The following SCAF1 variants were observed in gnomAD, a reference collection of about 807,000 sequenced individuals.
The protein encoded by SCAF1 is splicing factor, arginine/serine-rich 19.
Under a neutral mutation model 91.2 loss-of-function variants are expected in SCAF1, and 28 were observed. The observed-to-expected ratio is 0.31, with a 90% confidence interval of 0.23 to 0.42. SCAF1 has a LOEUF of 0.42. Among genes scored for constraint, SCAF1 ranks in the 10% least tolerant of loss-of-function variants. The pLI is 1.00. For synonymous variants in SCAF1, 1,036 were observed against 833.7 expected (o/e 1.24, Z -4.18); for missense variants, 1,893 against 1,872.1 (o/e 1.01, Z -0.21).
chr19:49,653,790 GC>G, intron 7 of SCAF1, 85 bp downstream of exon 7: 6 of 1,310,782 alleles, frequency 4.6e-6, no homozygotes, highest in Admixed American at 3.0e-5. Flanking sequence ...GCAGTGGGGT[GC>G]CCTGGCAGGG....
rs1232055151 is a variant in SCAF1 at position 49,658,377 on chromosome 19, GCCTGCC to G, written c.3926_3931del (p.Leu1309_Pro1310del). 2 of 1,549,702 alleles carry G rather than the reference GCCTGCC, an allele frequency of 1.3e-6. No homozygotes were observed. ...GGGCCCCCAGACAAGGGTGGCCCGG[GCCTGCC>G]CCTGCCCCCTCTCTGAGAGCCCTGG... On this transcript the variant is annotated inframe_deletion, in exon 11 of 11. Transcript: ENST00000360565.
chr19:49,654,492 G>T, intron 8 of SCAF1, 61 bp downstream of exon 8: 1 of 1,526,846 alleles, frequency 6.5e-7, no homozygotes, highest in South Asian at 1.1e-5. Context: ...CTCGGGTTAG[G>T]AGAGGAACCG....
At chr19:49,648,561 C>CCA (rs2081068301) in intron 6 of SCAF1, among the ~76,000 whole-genome samples, 1 of 56,480 alleles carries the variant, frequency 1.8e-5, no homozygotes, top group East Asian at 3.5e-4. Context: ...GCCTGCCACA[C>CCA]CCCCCCCCCT....
In SCAF1 at chr19:49,653,666, C is replaced by A; in HGVS notation, c.3277C>A (p.Pro1093Thr). ...TLPPPMPWNL[P>T]AGVDCTTSGV... ...GCCCCCGCCCATGCCCTGGAATCTG[C>A]CAGCTGGTGTGGACTGCACCACCAG... The change falls in exon 7 of 11, where the codon CCA (proline) becomes ACA (threonine). Residue 1093 changes from proline to threonine, a missense_variant. Pro to Thr is a conservative substitution (Grantham distance 38). Coordinates refer to ENST00000360565, the MANE Select transcript of SCAF1 (RefSeq NM_021228.3). 5.0e-6 allele frequency: 8 copies of A among 1,587,956 alleles called. No individual in the cohort carries two copies. Among genetic ancestry groups the A allele is most frequent in the Non-Finnish European group, 6.8e-6 (8 of 1,172,296 alleles).
chr19:49,658,063 C>A, intron 10 of SCAF1, 145 bp from the exon 11 acceptor site: 1 of 1,193,352 alleles, frequency 8.4e-7, no homozygotes. Context: ...GGCCCTGGGG[C>A]ACCCATCGTC....
In SCAF1 at chr19:49,646,582, C is replaced by T; in HGVS notation, c.318C>T (p.Pro106=). 6.2e-7 allele frequency: 1 copy of T among 1,614,100 alleles called. No individual in the cohort carries two copies. The highest frequency in any genetic ancestry group is 8.5e-7 in the Non-Finnish European group (1 of 1,180,018). The stretch of plus-strand genomic sequence containing the variant: ...CAGGGCTGGTGAGTGTCCTGGATCC[C>T]CCGGATACCTGGGTTCCCAGCCGCC... The part of the protein sequence containing the change: ...FLAGLVSVLD[P]PDTWVPSRLD... Residue 106 remains proline (P), a synonymous_variant, in exon 5 of 11, where the codon CCC becomes CCT. Coordinates refer to ENST00000360565, the MANE Select transcript of SCAF1 (RefSeq NM_021228.3). This position sits in a 1 kb window ranked among gnomAD's most constrained non-coding sequence, Gnocchi z 5.6.
chr19:49,656,987 G>A (rs2081143453), intron 9 of SCAF1, among the ~76,000 whole-genome samples: 1 of 152,028 alleles, frequency 6.6e-6, no homozygotes, highest in African/African-American at 2.4e-5. Context: ...AGACCTAGTC[G>A]CCACAAAAAG....
intron 6 of SCAF1, among the ~76,000 whole-genome samples, chr19:49,648,800 G>C (rs1392049429): frequency 6.6e-6 from 1 of 151,792 alleles, no homozygotes; most frequent in Non-Finnish European, 1.5e-5. Flanking sequence ...GTGAAACCCT[G>C]TCTCCATTAA....
rs1738080005 is a variant in SCAF1, at chr19:49,651,577, C to T, written c.1188C>T (p.Ile396=). ...PGDSEIEEGE[I]VQPEEEPRLA... is the part of the protein sequence containing the mutation. ...ACTCGGAGATCGAGGAAGGGGAGAT[C>T]GTCCAGCCGGAGGAGGAGCCCAGGC... The change falls in exon 7 of 11, where the codon ATC becomes ATT. Residue 396 remains isoleucine, a synonymous_variant. Coordinates refer to ENST00000360565, the MANE Select transcript of SCAF1 (RefSeq NM_021228.3). The T allele has an allele frequency of 1.9e-6, 3 of 1,546,902 alleles. No individual in the cohort carries two copies. Among genetic ancestry groups the T allele is most frequent in the Non-Finnish European group, 2.6e-6 (3 of 1,147,270 alleles).
Position 49,652,677 on chromosome 19 carries a change from C to T in SCAF1, c.2288C>T (p.Ser763Phe). 6.4e-7 allele frequency: 1 copy of T among 1,566,674 alleles called. No individual in the cohort carries two copies. Among genetic ancestry groups the T allele is most frequent in the Non-Finnish European group, 8.7e-7 (1 of 1,155,826 alleles). ...RSGAASSSSS[S>F]REKGSRRKAL... ...GGGGCCGCCTCCTCCTCCTCCTCTT[C>T]CCGGGAGAAGGGGTCTCGTCGGAAG... The change falls in exon 7 of 11, where the codon TCC (serine) becomes TTC (phenylalanine). Residue 763 changes from serine to phenylalanine, a missense_variant. Around this residue, in one of 5 missense-constraint regions of SCAF1, gnomAD observed 1,436 missense variants for 1,306.8 expected, o/e 1.10. Transcript: ENST00000360565.
chr19:49,641,338 C>A (rs1174201774), upstream of SCAF1, among the ~76,000 whole-genome samples: 3 of 152,132 alleles, frequency 2.0e-5, no homozygotes, highest in Admixed American at 1.3e-4. Context: ...ATTTTTGAGA[C>A]GGAGTTTCCG....
chr19:49,658,579 C>G lies in SCAF1; in HGVS notation c.*180C>G. 3 of 611,746 alleles carry G rather than the reference C, an allele frequency of 4.9e-6. No individual in the cohort carries two copies. The highest frequency in any genetic ancestry group is 8.7e-6 in the Non-Finnish European group (3 of 345,806). 37.9% of individuals were successfully genotyped at this position (611,746 alleles called of 1,614,324 possible). A position where few individuals can be genotyped will look rare whatever the true frequency, so the allele number is the denominator to read the frequency against. ...CCTCCCTTGCCCCCAAGCCTGTCCCCAGTGCCCCTCCCTTCTGTTTGTGCC... is the reference window on the plus strand; with the variant it reads ...CCTCCCTTGCCCCCAAGCCTGTCCCGAGTGCCCCTCCCTTCTGTTTGTGCC... On this transcript the variant is annotated 3_prime_UTR_variant, in exon 11 of 11. Transcript: ENST00000360565.
At chr19:49,648,099 GT>G (rs371461348) in intron 6 of SCAF1, among the ~76,000 whole-genome samples, 15 of 147,438 alleles carry the variant, frequency 1.0e-4, no homozygotes, top group South Asian at 2.1e-4. Context: ...TGCCTGGCTA[GT>G]TTTTTTTTTT....
At position 49,654,784 on chromosome 19, in the gene SCAF1, A is replaced by C. The variant is rs1599831781; in HGVS notation, c.3532A>C (p.Thr1178Pro). ...GSLPLGGCGS[T>P]PPTPTGLAAT... Reference sequence around the variant, plus strand: ...CCTCCCTCTGGGGGGCTGCGGTTCGACCCCCCCCACCCCCACCGGGCTGGC... The same window carrying C: ...CCTCCCTCTGGGGGGCTGCGGTTCGCCCCCCCCCACCCCCACCGGGCTGGC... Residue 1178 changes from threonine (T) to proline (P), a missense_variant, in exon 9 of 11, where the codon ACC (threonine) becomes CCC (proline). Physicochemically the swap from Thr to Pro is conservative, Grantham distance 38. Coordinates refer to ENST00000360565, the MANE Select transcript of SCAF1 (RefSeq NM_021228.3). 2 of 1,606,112 alleles carry C rather than the reference A, an allele frequency of 1.2e-6. No homozygotes were observed. Among genetic ancestry groups the C allele is most frequent in the Non-Finnish European group, 8.5e-7 (1 of 1,176,676 alleles).
chr19:49,652,621 C>A lies in SCAF1; in HGVS notation c.2232C>A (p.Gly744=). ...GACTGAGCGGCGAGGAGCGGGGCGGCAAGAGCAGCCAGAAGGATCGGCGCC... is the reference window on the plus strand; with the variant it reads ...GACTGAGCGGCGAGGAGCGGGGCGGAAAGAGCAGCCAGAAGGATCGGCGCC... The part of the protein sequence containing the change: ...SEGLSGEERG[G]KSSQKDRRRS... The change falls in exon 7 of 11, where the codon GGC becomes GGA. Residue 744 remains glycine (G), a synonymous_variant. Transcript: ENST00000360565. 1 of 1,562,610 alleles carries A rather than the reference C, an allele frequency of 6.4e-7. No individual in the cohort carries two copies. The highest frequency in any genetic ancestry group is 1.2e-5 in the South Asian group (1 of 85,638).
chr19:49,652,415 G>A lies in SCAF1; in HGVS notation c.2026G>A (p.Gly676Ser). 1.3e-6 allele frequency: 2 copies of A among 1,594,800 alleles called. No homozygotes were observed. Among genetic ancestry groups the A allele is most frequent in the Non-Finnish European group, 1.7e-6 (2 of 1,174,804 alleles). Residue 676 changes from glycine to serine, a missense_variant, in exon 7 of 11, where the codon GGT (glycine) becomes AGT (serine). Around this residue, in one of 5 missense-constraint regions of SCAF1, gnomAD observed 1,436 missense variants for 1,306.8 expected, o/e 1.10. Transcript: ENST00000360565. Reference protein sequence around the residue: ...APPPSGSTSCGDRDSRRRGAV... With the variant: ...APPPSGSTSCSDRDSRRRGAV... ...GCCGCCCTCTGGCTCCACCTCGTGT[G>A]GTGACCGCGACAGCCGCCGCCGGGG...
chr19:49,657,597 T>C (rs1277476158), intron 9 of SCAF1, among the ~76,000 whole-genome samples, 164 bp from the exon 10 acceptor site: 1 of 152,188 alleles, frequency 6.6e-6, no homozygotes, highest in African/African-American at 2.4e-5. Context: ...CCCGGGCACC[T>C]GCAGCAGAGG....
At chr19:49,644,203 C>T (rs907716065) in intron 1 of SCAF1, among the ~76,000 whole-genome samples, 2 of 152,298 alleles carry the variant, frequency 1.3e-5, no homozygotes, top group Non-Finnish European at 2.9e-5. Context: ...GCAGATTTGA[C>T]AGTCATGGGG....
Position 49,658,205 on chromosome 19 carries a change from C to A in SCAF1, c.3748-3C>A. 1.9e-6 allele frequency: 3 copies of A among 1,610,566 alleles called. No individual in the cohort carries two copies. Among genetic ancestry groups the A allele is most frequent in the Non-Finnish European group, 2.5e-6 (3 of 1,177,632 alleles). The stretch of plus-strand genomic sequence containing the variant: ...GTGACTCCAACTGTCCCCGGCCCCC[C>A]AGATCTGCCACAGCAAAAGTGGGGA... On this transcript the variant is annotated splice_region_variant and splice_polypyrimidine_tract_variant and intron_variant, in intron 10 of 10. Transcript: ENST00000360565.
Sources: allele counts gnomAD v4.1 joint callset (sites outside exome capture counted in the v4.1 genomes callset), GRCh38; gene constraint gnomAD v4.1.1; regional missense constraint gnomAD v4.1.1; non-coding constraint Gnocchi (gnomAD v3.1); transcripts MANE v1.5; gene names NCBI Gene and HGNC (gene_info 2026-07-23, HGNC 2026-07-21).